Variants in OR2L13 observed in about 807,000 individuals in gnomAD.
The protein encoded by OR2L13 is olfactory receptor 2L13.
Under a neutral mutation model 15.3 loss-of-function variants are expected in OR2L13, and 14 were observed. The ratio of observed to expected loss-of-function variants is 0.91; its 90% CI spans 0.60 to 1.43. The LOEUF is 1.43. OR2L13 is among the 40% of genes most tolerant of loss of function. The pLI, the probability that OR2L13 is intolerant of heterozygous loss-of-function variation, is 0.00. For missense variants in OR2L13, 367 were observed against 387.9 expected, an observed-to-expected ratio of 0.95 and a Z score of 0.45; for synonymous variants, 152 against 142.9, an observed-to-expected ratio of 1.06 and a Z score of -0.45.
At chr1:247,937,192 C>G in the OR2L13 span, 3 of 153,332 alleles carry the variant, frequency 2.0e-5, no homozygotes, top group African/African-American at 7.2e-5. Flanking sequence ...CTGGGGCTGC[C>G]GGAGGACGCG....
the OR2L13 span, among the ~76,000 whole-genome samples, chr1:248,067,129 C>T: frequency 6.6e-6 from 1 of 152,200 alleles, no homozygotes; most frequent in African/African-American, 2.4e-5. Flanking sequence ...GATTAAACAT[C>T]TCATAAGTTT....
chr1:247,980,266 G>C, the OR2L13 span, among the ~76,000 whole-genome samples: 1 of 151,822 alleles, frequency 6.6e-6, no homozygotes, highest in South Asian at 2.1e-4. Context: ...GGCATTTCCA[G>C]AATAAAAGAA....
the OR2L13 span, among the ~76,000 whole-genome samples, chr1:248,054,427 T>C: frequency 6.6e-6 from 1 of 152,102 alleles, no homozygotes; most frequent in African/African-American, 2.4e-5. Context: ...ATGCAAGCTC[T>C]TTTTTGGTTC....
the OR2L13 span, among the ~76,000 whole-genome samples, chr1:248,054,233 G>GT: frequency 1.3e-5 from 2 of 152,036 alleles, no homozygotes; most frequent in African/African-American, 2.4e-5. Context: ...CCCGTTGCTT[G>GT]TTTTTTTCCA....
the OR2L13 span, among the ~76,000 whole-genome samples, chr1:247,956,166 A>ATG: frequency 6.6e-6 from 1 of 151,206 alleles, no homozygotes; most frequent in South Asian, 2.1e-4. Flanking sequence ...ACATATGGCT[A>ATG]GCCAGTTTTC....
exon 3 of OR2L13, chr1:248,100,849 A>G (rs181547402): frequency 6.0e-5 from 10 of 167,208 alleles, no homozygotes; most frequent in Admixed American, 5.2e-4. Context: ...TATGGTGTAT[A>G]CAAACATATT....
At chr1:247,990,905 T>C in the OR2L13 span, 2 of 1,481,868 alleles carry the variant, frequency 1.3e-6, no homozygotes, top group Non-Finnish European at 9.4e-7. Context: ...TTCATTTGTA[T>C]TGCATGTTCC....
chr1:248,024,919 G>A, the OR2L13 span, among the ~76,000 whole-genome samples: 11 of 152,068 alleles, frequency 7.2e-5, no homozygotes, highest in Non-Finnish European at 1.3e-4. Context: ...TGAACTTTAA[G>A]GTAGTTTTTT....
At chr1:248,024,797 T>C in the OR2L13 span, among the ~76,000 whole-genome samples, 1 of 152,182 alleles carries the variant, frequency 6.6e-6, no homozygotes, top group East Asian at 1.9e-4. Flanking sequence ...CCACGCTGTT[T>C]TGGTTACTAT....
chr1:248,058,115 C>T, the OR2L13 span, among the ~76,000 whole-genome samples: 1 of 152,088 alleles, frequency 6.6e-6, no homozygotes, highest in Non-Finnish European at 1.5e-5. Flanking sequence ...CCAACTGTCA[C>T]ATAATTTTTA....
the OR2L13 span, among the ~76,000 whole-genome samples, chr1:247,957,089 G>C: frequency 1.3e-5 from 2 of 152,150 alleles, no homozygotes; most frequent in Admixed American, 1.3e-4. Flanking sequence ...GTTTGTCATA[G>C]ATAGCTCTTA....
chr1:248,007,946 T>C, the OR2L13 span, among the ~76,000 whole-genome samples: 1 of 152,168 alleles, frequency 6.6e-6, no homozygotes, highest in Non-Finnish European at 1.5e-5. Context: ...GAATGAGTGG[T>C]GTACCATCCA....
At chr1:248,027,072 G>A in the OR2L13 span, among the ~76,000 whole-genome samples, 28 of 152,194 alleles carry the variant, frequency 1.8e-4, no homozygotes, top group African/African-American at 6.0e-4. Flanking sequence ...GAGAAATATC[G>A]CTGAATTCTT....
At chr1:248,021,969 T>A in the OR2L13 span, 12 of 1,613,430 alleles carry the variant, frequency 7.4e-6, no homozygotes, top group East Asian at 2.7e-4. Context: ...CAATCAAACG[T>A]CAACTGATTT....
the OR2L13 span, among the ~76,000 whole-genome samples, chr1:248,031,661 G>A: frequency 9.9e-5 from 15 of 152,250 alleles, no homozygotes; most frequent in Admixed American, 7.9e-4. Context: ...AGTTTTTGGG[G>A]TGCCTGATTT....
At chr1:248,079,989 T>A in the OR2L13 span, among the ~76,000 whole-genome samples, 2 of 152,192 alleles carry the variant, frequency 1.3e-5, no homozygotes, top group Non-Finnish European at 2.9e-5. Context: ...CAAGGAATTC[T>A]TAACAAATCA....
the OR2L13 span, among the ~76,000 whole-genome samples, chr1:248,015,055 C>T: frequency 7.2e-5 from 11 of 152,170 alleles, no homozygotes; most frequent in African/African-American, 2.4e-4. Flanking sequence ...AGCTGATGCA[C>T]TATCGTGGAC....
chr1:248,098,826 G>C (rs1379902040), intron 2 of OR2L13, 51 bp downstream of exon 2: 1 of 152,586 alleles, frequency 6.6e-6, no homozygotes, highest in Non-Finnish European at 1.5e-5. Context: ...CGAATACCTG[G>C]GAAACTGCAT....
the OR2L13 span, among the ~76,000 whole-genome samples, chr1:247,998,231 T>C: frequency 6.6e-6 from 1 of 152,216 alleles, no homozygotes; most frequent in Non-Finnish European, 1.5e-5. Flanking sequence ...TCAGCAGAAA[T>C]CTTGGAGTGT....
Sources: allele counts gnomAD v4.1 joint callset (sites outside exome capture counted in the v4.1 genomes callset), GRCh38; gene constraint gnomAD v4.1.1; transcripts MANE v1.5; gene names NCBI Gene and HGNC (gene_info 2026-07-23, HGNC 2026-07-21).